ANKRD28: variants seen among roughly 807,000 people sequenced by gnomAD.
The protein encoded by ANKRD28 is serine/threonine-protein phosphatase 6 regulatory ankyrin repeat subunit A.
ANKRD28 carries 44 observed loss-of-function variants against 126.5 expected under a neutral mutation model. The observed-to-expected ratio is 0.35, with a 90% CI of 0.27 to 0.45. The LOEUF (loss-of-function observed/expected upper bound fraction) is 0.45. ANKRD28 is among the 20% of genes least tolerant of loss of function. The pLI is 1.00. For missense variants in ANKRD28, 1,110 were observed against 1,316.6 expected (o/e 0.84, Z 2.43); for synonymous variants, 442 against 468.5 (o/e 0.94, Z 0.73).
Position 15,737,023 on chromosome 3 carries a change from T to C in ANKRD28, c.552+10A>G, listed in dbSNP as rs759438974. On this transcript the variant is annotated intron_variant, in intron 5 of 27. Coordinates refer to ENST00000683139, the MANE Select transcript of ANKRD28 (RefSeq NM_001349278.2). ...AGAGAAAAATAATGGTCTAATTGAATGCCACCTACCTCACCATGTCCACTG... is the reference window on the plus strand; with the variant it reads ...AGAGAAAAATAATGGTCTAATTGAACGCCACCTACCTCACCATGTCCACTG... 4.3e-6 allele frequency: 7 copies of C among 1,613,560 alleles called. No individual in the cohort carries two copies. Among genetic ancestry groups the C allele is most frequent in the Non-Finnish European group, 5.9e-6 (7 of 1,179,636 alleles).
rs1212050884 is a variant in ANKRD28 at position 15,686,062 on chromosome 3, C to A, written c.2109G>T (p.Leu703=). The change falls in exon 20 of 28, where the codon CTG becomes CTT. Residue 703 remains leucine (L), a synonymous_variant. Coordinates refer to ENST00000683139, the MANE Select transcript of ANKRD28 (RefSeq NM_001349278.2). ...NGHTDCVYSL[L]NKGANVDAKD... is the part of the protein sequence containing the mutation. ...TGGCATCTACATTTGCTCCTTTGTT[C>A]AGCAATGAGTAAACACAGTCTGTGT... 8.1e-6 allele frequency: 13 copies of A among 1,613,760 alleles called. No individual in the cohort carries two copies. The South Asian group carries it at 1.2e-4, about 15-fold the overall frequency.
chr3:15,701,705 G>T (rs973214767), intron 14 of ANKRD28, among the ~76,000 whole-genome samples: 1 of 152,054 alleles, frequency 6.6e-6, no homozygotes. Context: ...CTATGATAAA[G>T]AAATAAAATA....
intron 17 of ANKRD28, among the ~76,000 whole-genome samples, chr3:15,692,637 T>C (rs1381752673): frequency 6.6e-6 from 1 of 152,178 alleles, no homozygotes; most frequent in African/African-American, 2.4e-5. Flanking sequence ...GATCAGTATG[T>C]TTTCACTGTA....
intron 2 of ANKRD28, among the ~76,000 whole-genome samples, chr3:15,776,168 G>A (rs1275745116): frequency 1.3e-5 from 2 of 152,226 alleles, no homozygotes; most frequent in Non-Finnish European, 2.9e-5. Context: ...AACCAAGAAT[G>A]TGGTCCAAAG....
intron 1 of ANKRD28, among the ~76,000 whole-genome samples, chr3:15,804,471 TA>T (rs2060534919): frequency 6.9e-6 from 1 of 145,782 alleles, no homozygotes; most frequent in Non-Finnish European, 1.5e-5. Flanking sequence ...GTCTGCTAGT[TA>T]GAACATTCCA....
At position 15,846,317 on chromosome 3, in the gene ANKRD28, A is replaced by G. The variant is rs1310932208; in HGVS notation, c.27+13060T>C. On this transcript the variant is annotated intron_variant, in intron 1 of 27. Transcript: ENST00000399451. The surrounding 1 kb of genome is among the most constrained non-coding windows in gnomAD (Gnocchi z 5.4). The stretch of plus-strand genomic sequence containing the variant: ...CTGGCCCCATGCAAGTCTGAAACCC[A>G]GCAAGGCAGTCATTAAATCTTAAAG... Among the ~76,000 whole-genome samples, 2 of 152,258 alleles carry G rather than the reference A, an allele frequency of 1.3e-5. No homozygotes were observed. Among genetic ancestry groups the G allele is most frequent in the Non-Finnish European group, 2.9e-5 (2 of 68,044 alleles).
Position 15,679,554 on chromosome 3 carries a change from G to C in ANKRD28, c.2399C>G (p.Thr800Arg). 1 of 1,611,172 alleles carries C rather than the reference G, an allele frequency of 6.2e-7. No homozygotes were observed. The highest frequency in any genetic ancestry group is 8.5e-7 in the Non-Finnish European group (1 of 1,178,228). ...CTGTTCTAAAAGCAGTTCTACACATGTCTCGTGACCTAAATAGGTGTAAAG... is the reference window on the plus strand; with the variant it reads ...CTGTTCTAAAAGCAGTTCTACACATCTCTCGTGACCTAAATAGGTGTAAAG... ...LHWACYNGHE[T>R]CVELLLEQEV... Residue 800 changes from threonine (T) to arginine (R), a missense_variant, in exon 22 of 28, where the codon ACA becomes AGA. By Grantham distance (71) the Thr-to-Arg change is moderately conservative. Transcript: ENST00000683139.
intron 18 of ANKRD28, among the ~76,000 whole-genome samples, chr3:15,687,250 C>G (rs2455809): frequency 0.82 from 125,231 of 152,056 alleles, 51,737 homozygotes; most frequent in East Asian, 0.94. Flanking sequence ...GCCTGCCTTT[C>G]GACATTGTAT....
At chr3:15,778,927 A>G (rs915367535) in intron 2 of ANKRD28, among the ~76,000 whole-genome samples, 1 of 152,208 alleles carries the variant, frequency 6.6e-6, no homozygotes, top group South Asian at 2.1e-4. Flanking sequence ...TGATGGTTGT[A>G]TAAGTATGTA....
In ANKRD28 at chr3:15,852,986, T is replaced by A. The variant is rs184722919; in HGVS notation, c.27+6391A>T. ...TAGAAGAATCCTGGTAACTTTTTTT[T>A]AAATCAGTATCGCTTAAGGAGGGTG... On this transcript the variant is annotated intron_variant, in intron 1 of 27. Coordinates refer to the ANKRD28 transcript ENST00000399451. 4.2e-3 allele frequency among the ~76,000 whole-genome samples: 644 copies of A among 152,248 alleles called. 8 individuals are homozygous for A. The highest frequency in any genetic ancestry group is 0.014 in the African/African-American group (562 of 41,540).
intron 12 of ANKRD28, 79 bp downstream of exon 12, chr3:15,711,132 T>TA (rs2126060402): frequency 7.9e-7 from 1 of 1,265,314 alleles, no homozygotes; most frequent in Non-Finnish European, 1.1e-6. Flanking sequence ...CCAGAATTAA[T>TA]AAAAAAGAAC....
rs1175310571 is a variant in ANKRD28 at position 15,675,851 on chromosome 3, A to C, written c.2965+47T>G. ...TTATTTCTCTTCAAATATGGATCAA[A>C]AGATAAAAGCTCTAGGTTAAGGGAA... On this transcript the variant is annotated intron_variant, in intron 27 of 27. Coordinates refer to ENST00000683139, the MANE Select transcript of ANKRD28 (RefSeq NM_001349278.2). 2.1e-6 allele frequency: 3 copies of C among 1,434,270 alleles called. No individual in the cohort carries two copies. In the East Asian group the frequency reaches 7.2e-5, roughly 34 times the overall value. 88.8% of individuals were successfully genotyped at this position (1,434,270 alleles called of 1,614,324 possible).
intron 2 of ANKRD28, among the ~76,000 whole-genome samples, chr3:15,793,248 AGAT>A (rs2060114898): frequency 6.6e-6 from 1 of 152,232 alleles, no homozygotes; most frequent in South Asian, 2.1e-4. Flanking sequence ...AGACAAAATC[AGAT>A]GATATTTACC....
intron 14 of ANKRD28, among the ~76,000 whole-genome samples, chr3:15,702,487 A>G (rs561596797): frequency 5.4e-4 from 82 of 152,350 alleles, no homozygotes; most frequent in African/African-American, 1.8e-3. Context: ...ACAAAATCTG[A>G]AAAAATATTT....
chr3:15,767,700 TAAAAAAAAAAAAAAA>T lies in ANKRD28; in HGVS notation c.202-1403_202-1389del, dbSNP rs57072807. Among the ~76,000 whole-genome samples the T allele has an allele frequency of 2.5e-4, 16 of 64,360 alleles. 1 individual carries two copies. Among genetic ancestry groups the T allele is most frequent in the African/African-American group, 9.2e-4 (10 of 10,904 alleles). 42.2% of individuals were successfully genotyped at this position (64,360 alleles called of 152,430 possible). A position where few individuals can be genotyped will look rare whatever the true frequency, so the allele number is the denominator to read the frequency against. On this transcript the variant is annotated intron_variant, in intron 2 of 27. Transcript: ENST00000683139. The stretch of plus-strand genomic sequence containing the variant: ...TAACACAATGAAACCTAGTCTCTAC[TAAAAAAAAAAAAAAA>T]AAAAAAAAAAAAAAAAAAAAAAAAA...
intron 27 of ANKRD28, among the ~76,000 whole-genome samples, chr3:15,675,033 GC>G (rs2066789829): frequency 6.6e-6 from 1 of 152,278 alleles, no homozygotes; most frequent in East Asian, 1.9e-4. Flanking sequence ...AATTTGGGAG[GC>G]CAAGGCAGGC....
At chr3:15,770,305 A>G (rs1380491667) in intron 2 of ANKRD28, among the ~76,000 whole-genome samples, 1 of 151,996 alleles carries the variant, frequency 6.6e-6, no homozygotes, top group Non-Finnish European at 1.5e-5. Flanking sequence ...ATAATATGAA[A>G]TATCATTAGC....
rs552797213 is a variant in ANKRD28, at chr3:15,717,079, G to A, written c.997-2423C>T. On this transcript the variant is annotated intron_variant, in intron 8 of 27. Coordinates refer to ENST00000683139, the MANE Select transcript of ANKRD28 (RefSeq NM_001349278.2). Reference sequence around the variant, plus strand: ...TTGTTTTATAGATGAGGAAATGTAGGCCCCAGGGTTAAGTGATTTTACTAG... The same window carrying A: ...TTGTTTTATAGATGAGGAAATGTAGACCCCAGGGTTAAGTGATTTTACTAG... Among the ~76,000 whole-genome samples, 83 of 152,262 alleles carry A rather than the reference G, an allele frequency of 5.5e-4. 1 individual carries two copies. The highest frequency in any genetic ancestry group is 9.8e-4 in the Admixed American group (15 of 15,282).
Position 15,766,398 on chromosome 3 carries a change from C to T in ANKRD28, c.202-86G>A, listed in dbSNP as rs541743693. 2.7e-5 allele frequency: 25 copies of T among 910,586 alleles called. No homozygotes were observed. The South Asian group carries it at 3.8e-4, about 14-fold the overall frequency. The allele number at this position is 910,586 out of a possible 1,614,324, so 56.4% of individuals were successfully genotyped here. A position where few individuals can be genotyped will look rare whatever the true frequency, so the allele number is the denominator to read the frequency against. On this transcript the variant is annotated intron_variant, in intron 2 of 27. Transcript: ENST00000683139. The stretch of plus-strand genomic sequence containing the variant: ...TTTAATAACCACAACAACAACCCCT[C>T]CCCCCACCAAACCATTATTAACTAT...
Sources: gnomAD v4.1 joint callset for allele counts (sites outside exome capture counted in the v4.1 genomes callset) on GRCh38, gnomAD v4.1.1 for gene constraint, Gnocchi (gnomAD v3.1) non-coding constraint, MANE v1.5 for transcripts, NCBI Gene and HGNC (gene_info 2026-07-23, HGNC 2026-07-21) for gene names.